EPHA6: variants seen among roughly 807,000 people sequenced by gnomAD.
EPHA6 encodes ephrin type-A receptor 6.
In EPHA6, 50 loss-of-function variants were observed where a neutral mutation model predicts 112.0. The ratio of observed to expected loss-of-function variants is 0.45; its 90% CI spans 0.36 to 0.56. The LOEUF is 0.56. Among genes scored for constraint, EPHA6 ranks in the 20% least tolerant of loss-of-function variants. EPHA6 has a pLI of 0.00. For missense variants in EPHA6, 1,280 were observed against 1,417.4 expected (o/e 0.90, Z 1.56); for synonymous variants, 529 against 490.7 (o/e 1.08, Z -1.03).
At chr3:97,527,198 G>A (rs1400495686) in intron 10 of EPHA6, among the ~76,000 whole-genome samples, 1 of 152,118 alleles carries the variant, frequency 6.6e-6, no homozygotes, top group Non-Finnish European at 1.5e-5. Flanking sequence ...TTGGAAGCAG[G>A]CTCAAGCACA....
At chr3:96,959,484 G>A (rs2041882607) in intron 2 of EPHA6, among the ~76,000 whole-genome samples, 2 of 151,850 alleles carry the variant, frequency 1.3e-5, no homozygotes, top group African/African-American at 4.8e-5. Context: ...ATAATTTGAA[G>A]CACAGATATT....
chr3:97,219,988 C>T (rs2108530690), intron 3 of EPHA6, among the ~76,000 whole-genome samples: 1 of 152,308 alleles, frequency 6.6e-6, no homozygotes, highest in African/African-American at 2.4e-5. Context: ...CTGCCAGATA[C>T]CCTAAATCAT....
chr3:97,130,920 A>T (rs951392272), intron 3 of EPHA6, among the ~76,000 whole-genome samples: 1 of 152,128 alleles, frequency 6.6e-6, no homozygotes, highest in African/African-American at 2.4e-5. Context: ...TCGTGAAGAA[A>T]TTATTATAAT....
At chr3:97,647,885 A>G (rs1215572769) in intron 14 of EPHA6, among the ~76,000 whole-genome samples, 2 of 152,124 alleles carry the variant, frequency 1.3e-5, no homozygotes, top group Admixed American at 1.3e-4. Context: ...TCAATTATGG[A>G]AATGAGATCC....
chr3:97,162,928 G>T (rs576354566), intron 3 of EPHA6, among the ~76,000 whole-genome samples: 1 of 152,270 alleles, frequency 6.6e-6, no homozygotes, highest in Non-Finnish European at 1.5e-5. Flanking sequence ...GGCTGCTTCA[G>T]TTCTGCTGTG....
At chr3:97,360,725 T>A (rs1364627887) in intron 5 of EPHA6, among the ~76,000 whole-genome samples, 1 of 152,220 alleles carries the variant, frequency 6.6e-6, no homozygotes, top group Non-Finnish European at 1.5e-5. Context: ...AAGATGCATT[T>A]AGAAGATAAT....
chr3:97,122,184 A>G (rs2048060417), intron 3 of EPHA6, among the ~76,000 whole-genome samples: 1 of 152,092 alleles, frequency 6.6e-6, no homozygotes, highest in South Asian at 2.1e-4. Context: ...ACATATTTTG[A>G]AAACAACACA....
chr3:96,837,503 C>A (rs770812926), intron 1 of EPHA6, among the ~76,000 whole-genome samples: 4 of 151,984 alleles, frequency 2.6e-5, no homozygotes, highest in Admixed American at 1.3e-4. Context: ...TATGAAAGTG[C>A]AACTAATTTG....
chr3:97,566,386 G>A (rs1407547066), intron 11 of EPHA6, among the ~76,000 whole-genome samples: 3 of 152,122 alleles, frequency 2.0e-5, no homozygotes, highest in Non-Finnish European at 4.4e-5. Flanking sequence ...AACTATATCA[G>A]TACTCAACCT....
chr3:97,346,746 G>A (rs2083553277), intron 5 of EPHA6, among the ~76,000 whole-genome samples: 1 of 151,454 alleles, frequency 6.6e-6, no homozygotes, highest in African/African-American at 2.4e-5. Context: ...GTCTTTAGCT[G>A]GGATACCAAA....
intron 3 of EPHA6, chr3:97,009,965 G>A (rs1359327256): frequency 1.6e-6 from 1 of 638,262 alleles, no homozygotes. Context: ...TGCCGTTGAA[G>A]GATTCACATG....
intron 5 of EPHA6, among the ~76,000 whole-genome samples, chr3:97,245,230 T>C (rs1385719457): frequency 4.6e-5 from 7 of 152,046 alleles, no homozygotes; most frequent in Admixed American, 3.3e-4. Flanking sequence ...AGAATCAAGT[T>C]GTCAGCATTG....
At chr3:97,089,013 G>A (rs184472198) in intron 3 of EPHA6, among the ~76,000 whole-genome samples, 140 of 152,144 alleles carry the variant, frequency 9.2e-4, no homozygotes, top group African/African-American at 3.0e-3. Flanking sequence ...CTTTAGGGCC[G>A]GAGCAGAGTT....
At position 97,749,253 on chromosome 3, in the gene EPHA6, T is replaced by C. The variant is rs7634122; in HGVS notation, c.*552T>C. 0.012 allele frequency: 2,695 copies of C among 217,094 alleles called. 60 individuals carry two copies. Among genetic ancestry groups the C allele is most frequent in the African/African-American group, 0.052 (2,306 of 44,588 alleles). 13.4% of individuals were successfully genotyped at this position (217,094 alleles called of 1,614,324 possible). ...TTATTTGCAGAAATGACCAGTGATA[T>C]CATGTAATGAATTTTTGTGAGGTAT... On this transcript the variant is annotated 3_prime_UTR_variant, in exon 18 of 18. Transcript: ENST00000389672.
intron 5 of EPHA6, among the ~76,000 whole-genome samples, chr3:97,349,631 C>T (rs1372899679): frequency 6.6e-6 from 1 of 151,976 alleles, no homozygotes; most frequent in Non-Finnish European, 1.5e-5. Flanking sequence ...AATATAATTG[C>T]TTGCCTACCA....
intron 3 of EPHA6, among the ~76,000 whole-genome samples, chr3:97,157,012 G>A (rs2076303765): frequency 6.6e-6 from 1 of 152,078 alleles, no homozygotes; most frequent in African/African-American, 2.4e-5. Context: ...AAGAAGTACA[G>A]TTTCATATTG....
At chr3:96,818,982 A>G (rs1241063691) in intron 1 of EPHA6, among the ~76,000 whole-genome samples, 1 of 151,992 alleles carries the variant, frequency 6.6e-6, no homozygotes, top group Non-Finnish European at 1.5e-5. Flanking sequence ...ATTATTGATT[A>G]GCATCCAAAG....
intron 5 of EPHA6, among the ~76,000 whole-genome samples, chr3:97,388,372 G>A (rs532757572): frequency 1.3e-5 from 2 of 152,126 alleles, no homozygotes; most frequent in South Asian, 4.1e-4. Context: ...CAAAAGACAG[G>A]TCAGTGAGCA....
chr3:97,363,918 T>C (rs573475333), intron 5 of EPHA6, among the ~76,000 whole-genome samples: 1 of 152,052 alleles, frequency 6.6e-6, no homozygotes, highest in African/African-American at 2.4e-5. Context: ...GGAGAAAGGA[T>C]GTATAATTCC....
Sources: allele counts gnomAD v4.1 joint callset (sites outside exome capture counted in the v4.1 genomes callset), GRCh38; gene constraint gnomAD v4.1.1; transcripts MANE v1.5; gene names NCBI Gene and HGNC (gene_info 2026-07-23, HGNC 2026-07-21).